ADAMTSL1: variants seen among roughly 807,000 people sequenced by gnomAD.
ADAMTSL1 encodes the protein ADAMTS like 1.
Under a neutral mutation model 201.8 loss-of-function variants are expected in ADAMTSL1, and 126 were observed. That is an observed-to-expected ratio of 0.62 (90% CI 0.54 to 0.72). ADAMTSL1 has a LOEUF of 0.72. Among genes scored for constraint, ADAMTSL1 ranks in the 30% least tolerant of loss-of-function variants. The pLI, the probability that ADAMTSL1 is intolerant of heterozygous loss-of-function variation, is 0.00. For missense variants in ADAMTSL1, 2,679 were observed against 2,277.8 expected, an observed-to-expected ratio of 1.18 and a Z score of -3.59; for synonymous variants, 1,121 against 903.4, an observed-to-expected ratio of 1.24 and a Z score of -4.32.
rs971458611 is a variant in ADAMTSL1 at position 18,906,683 on chromosome 9, C to A, written c.4962-9C>A. ...AGCAAACCTTAACCCTGCCACCATC[C>A]TCCTGCAGGCCTGTGAGCACCCAGA... On this transcript the variant is annotated splice_polypyrimidine_tract_variant and intron_variant, in intron 27 of 28. Coordinates refer to ENST00000380548, the MANE Select transcript of ADAMTSL1 (RefSeq NM_001040272.6). The A allele has an allele frequency of 5.1e-6, 8 of 1,565,576 alleles. No individual in the cohort carries two copies. The African/African-American group carries it at 1.1e-4, about 21-fold the overall frequency.
intron 9 of ADAMTSL1, among the ~76,000 whole-genome samples, chr9:18,671,940 G>A (rs1326573801): frequency 2.0e-5 from 3 of 152,096 alleles, no homozygotes; most frequent in African/African-American, 7.2e-5. Flanking sequence ...AGGAGGCCGA[G>A]GCAGGAGAAT....
At chr9:18,644,536 C>A (rs544377511) in intron 7 of ADAMTSL1, among the ~76,000 whole-genome samples, 6 of 151,846 alleles carry the variant, frequency 4.0e-5, no homozygotes, top group East Asian at 3.9e-4. Flanking sequence ...ATCCCTCCCC[C>A]CTACCCCCAC....
At chr9:18,563,231 C>A (rs1235820689) in intron 3 of ADAMTSL1, among the ~76,000 whole-genome samples, 1 of 152,118 alleles carries the variant, frequency 6.6e-6, no homozygotes, top group East Asian at 1.9e-4. Context: ...GATACTATTC[C>A]TTTCTGTTTG....
chr9:18,801,087 C>G (rs1392667003), intron 20 of ADAMTSL1, among the ~76,000 whole-genome samples: 1 of 152,188 alleles, frequency 6.6e-6, no homozygotes, highest in Non-Finnish European at 1.5e-5. Flanking sequence ...GCCCTACCTA[C>G]TTCCTCAAGT....
chr9:18,043,547 C>T (rs1456954378), intron 1 of ADAMTSL1, among the ~76,000 whole-genome samples: 1 of 152,020 alleles, frequency 6.6e-6, no homozygotes, highest in African/African-American at 2.4e-5. Flanking sequence ...GTTCACCAAC[C>T]TACTAGATGG....
intron 1 of ADAMTSL1, among the ~76,000 whole-genome samples, chr9:18,494,873 A>G (rs1434301989): frequency 6.6e-6 from 1 of 152,174 alleles, no homozygotes; most frequent in African/African-American, 2.4e-5. Context: ...TAGGCAGTGG[A>G]GCCATAGAAA....
At chr9:18,649,218 C>A (rs201811443) in intron 7 of ADAMTSL1, among the ~76,000 whole-genome samples, 2 of 152,164 alleles carry the variant, frequency 1.3e-5, no homozygotes, top group African/African-American at 2.4e-5. Flanking sequence ...GTAGTTCTCG[C>A]GCCTTGGCTT....
intron 1 of ADAMTSL1, among the ~76,000 whole-genome samples, chr9:18,128,962 T>C (rs1262602011): frequency 6.6e-6 from 1 of 152,182 alleles, no homozygotes; most frequent in Non-Finnish European, 1.5e-5. Flanking sequence ...AATAAAAACA[T>C]AGAGGCAATC....
intron 2 of ADAMTSL1, among the ~76,000 whole-genome samples, chr9:18,515,589 C>T (rs1442161334): frequency 1.3e-5 from 2 of 152,156 alleles, no homozygotes; most frequent in African/African-American, 4.8e-5. Context: ...CTCACCTTGG[C>T]CTCCCAAAGT....
chr9:18,141,579 C>T (rs935886466), intron 1 of ADAMTSL1, among the ~76,000 whole-genome samples: 15 of 152,184 alleles, frequency 9.9e-5, no homozygotes, highest in African/African-American at 3.6e-4. Flanking sequence ...ACCTGCACAG[C>T]CTGGTGGTGG....
intron 23 of ADAMTSL1, among the ~76,000 whole-genome samples, chr9:18,849,890 C>T (rs776429979): frequency 5.9e-5 from 9 of 152,024 alleles, no homozygotes; most frequent in Non-Finnish European, 1.3e-4. Flanking sequence ...ATAGAGACCC[C>T]ATAGGGACTG....
chr9:18,022,731 A>G (rs1482357212), intron 1 of ADAMTSL1, among the ~76,000 whole-genome samples: 1 of 152,190 alleles, frequency 6.6e-6, no homozygotes, highest in Non-Finnish European at 1.5e-5. Flanking sequence ...ATAAAGAAGC[A>G]TGATTTATGC....
At chr9:18,653,006 C>T (rs1448231599) in intron 7 of ADAMTSL1, among the ~76,000 whole-genome samples, 1 of 152,210 alleles carries the variant, frequency 6.6e-6, no homozygotes, top group Non-Finnish European at 1.5e-5. Flanking sequence ...ATAGTAAGTA[C>T]TGGTTCATTT....
intron 7 of ADAMTSL1, among the ~76,000 whole-genome samples, chr9:18,655,188 C>T (rs1461956020): frequency 6.6e-6 from 1 of 152,244 alleles, no homozygotes; most frequent in Admixed American, 6.5e-5. Flanking sequence ...ATGATGTCTT[C>T]ATGTGCTTAT....
intron 1 of ADAMTSL1, among the ~76,000 whole-genome samples, chr9:18,133,875 C>A (rs748195719): frequency 2.6e-5 from 4 of 152,090 alleles, no homozygotes; most frequent in African/African-American, 9.7e-5. Context: ...GAAAACACAG[C>A]CTTAACCATG....
intron 21 of ADAMTSL1, among the ~76,000 whole-genome samples, chr9:18,825,166 C>A (rs915715712): frequency 1.4e-4 from 21 of 152,096 alleles, no homozygotes; most frequent in Admixed American, 5.9e-4. Flanking sequence ...CAGAGCCCAG[C>A]CTCCTATAGG....
chr9:18,712,262 A>G (rs1033421200), intron 14 of ADAMTSL1, among the ~76,000 whole-genome samples: 1 of 152,254 alleles, frequency 6.6e-6, no homozygotes, highest in African/African-American at 2.4e-5. Flanking sequence ...GACTTTGATG[A>G]GCTGAGAGAA....
At chr9:18,100,287 G>C (rs1248283048) in intron 1 of ADAMTSL1, among the ~76,000 whole-genome samples, 1 of 152,062 alleles carries the variant, frequency 6.6e-6, no homozygotes, top group Non-Finnish European at 1.5e-5. Flanking sequence ...TACCCAAACT[G>C]TTTTTGTTTT....
chr9:18,885,836 A>G (rs1828814318), intron 23 of ADAMTSL1, among the ~76,000 whole-genome samples: 2 of 152,068 alleles, frequency 1.3e-5, no homozygotes. Context: ...GGGAAAGAAC[A>G]CGGTCCAGGC....
Sources: allele counts gnomAD v4.1 joint callset (sites outside exome capture counted in the v4.1 genomes callset), GRCh38; gene constraint gnomAD v4.1.1; transcripts MANE v1.5; gene names NCBI Gene and HGNC (gene_info 2026-07-23, HGNC 2026-07-21).